The following NAV3 variants were observed in gnomAD, a reference collection of about 807,000 sequenced individuals.
The protein encoded by NAV3 is pore membrane and/or filament interacting like protein 1.
NAV3 carries 87 observed loss-of-function variants against 244.7 expected under a neutral mutation model. The ratio of observed to expected loss-of-function variants is 0.36; its 90% CI spans 0.30 to 0.42. The LOEUF (loss-of-function observed/expected upper bound fraction) is 0.42. Ranked by LOEUF, NAV3 falls within the 20% of genes least tolerant of loss-of-function variation. The pLI is 1.00. For synonymous variants in NAV3, 1,126 were observed against 1,042.2 expected (o/e 1.08, Z -1.55); for missense variants, 2,663 against 2,893.3 (o/e 0.92, Z 1.83).
Position 77,809,115 on chromosome 12 carries a change from G to C in NAV3, c.73-131204G>C, listed in dbSNP as rs149328275. ...GATCTTACCTTGCTGGGCTCTGTGCGGGATGGGATCTGCTGAGCTAGACCA... is the reference window on the plus strand; with the variant it reads ...GATCTTACCTTGCTGGGCTCTGTGCCGGATGGGATCTGCTGAGCTAGACCA... On this transcript the variant is annotated intron_variant, in intron 2 of 8. Coordinates refer to the NAV3 transcript ENST00000550042. Among the ~76,000 whole-genome samples, 76 of 152,298 alleles carry C rather than the reference G, an allele frequency of 5.0e-4. No individual in the cohort carries two copies. The East Asian group carries it at 9.9e-3, about 20-fold the overall frequency.
chr12:78,175,914 G>A (rs1593910213), intron 25 of NAV3, among the ~76,000 whole-genome samples: 1 of 151,262 alleles, frequency 6.6e-6, no homozygotes, highest in Non-Finnish European at 1.5e-5. Flanking sequence ...GATGGTGATA[G>A]TGGTCTTGGA....
intron 12 of NAV3, among the ~76,000 whole-genome samples, chr12:78,087,366 C>G (rs1953692128): frequency 6.6e-6 from 1 of 151,916 alleles, no homozygotes. Context: ...TGTTGGTATC[C>G]ACATGAATAT....
At chr12:77,629,605 A>G (rs1489689543) in intron 2 of NAV3, among the ~76,000 whole-genome samples, 1 of 152,128 alleles carries the variant, frequency 6.6e-6, no homozygotes, top group Non-Finnish European at 1.5e-5. Context: ...ATTTTTCCCT[A>G]AAATAAAGTC....
chr12:78,026,184 C>A (rs1411488913), intron 9 of NAV3, among the ~76,000 whole-genome samples: 1 of 152,118 alleles, frequency 6.6e-6, no homozygotes, highest in Non-Finnish European at 1.5e-5. Flanking sequence ...CTTTAAATTT[C>A]ATCTATATTC....
chr12:77,745,965 C>T (rs1203177033), intron 2 of NAV3, among the ~76,000 whole-genome samples: 2 of 107,376 alleles, frequency 1.9e-5, no homozygotes, highest in Non-Finnish European at 3.8e-5. Flanking sequence ...GGCAGACCCA[C>T]AAAATTGGTT....
At chr12:77,589,153 C>T (rs1869783328) in intron 2 of NAV3, among the ~76,000 whole-genome samples, 1 of 152,094 alleles carries the variant, frequency 6.6e-6, no homozygotes, top group African/African-American at 2.4e-5. Context: ...CGTAGGAAGA[C>T]CTTGGCAGCA....
At chr12:78,160,397 G>GTC (rs758929046) in intron 23 of NAV3, among the ~76,000 whole-genome samples, 2,172 of 88,048 alleles carry the variant, frequency 0.025, 49 homozygotes, top group African/African-American at 0.079. Flanking sequence ...GTGTGTGTGT[G>GTC]TGCGTGCGTG....
At chr12:78,085,377 C>A (rs1355169410) in intron 12 of NAV3, among the ~76,000 whole-genome samples, 1 of 152,110 alleles carries the variant, frequency 6.6e-6, no homozygotes, top group Non-Finnish European at 1.5e-5. Flanking sequence ...CTTACACAGA[C>A]CCTTAAAGGT....
At chr12:77,884,287 A>G (rs1235671621) in intron 1 of NAV3, among the ~76,000 whole-genome samples, 1 of 152,098 alleles carries the variant, frequency 6.6e-6, no homozygotes, top group East Asian at 1.9e-4. Context: ...TGATTGACAG[A>G]TAGATTGATA....
chr12:77,720,416 G>A (rs1876563983), intron 2 of NAV3, among the ~76,000 whole-genome samples: 1 of 152,086 alleles, frequency 6.6e-6, no homozygotes, highest in Admixed American at 6.6e-5. Flanking sequence ...TTTCCAATTA[G>A]AAGGATTTAC....
chr12:78,158,377 G>C (rs1957393607), intron 22 of NAV3, among the ~76,000 whole-genome samples: 2 of 152,100 alleles, frequency 1.3e-5, no homozygotes, highest in Admixed American at 6.6e-5. Context: ...TAACATTTTG[G>C]GTTCAAGTTG....
At chr12:78,094,094 C>G (rs1053667559) in intron 12 of NAV3, among the ~76,000 whole-genome samples, 4 of 152,236 alleles carry the variant, frequency 2.6e-5, no homozygotes, top group Non-Finnish European at 4.4e-5. Context: ...CCCACTTTAG[C>G]TTCCCAAAGT....
intron 7 of NAV3, among the ~76,000 whole-genome samples, chr12:78,006,017 A>G (rs1341160359): frequency 6.6e-6 from 1 of 152,170 alleles, no homozygotes; most frequent in Non-Finnish European, 1.5e-5. Flanking sequence ...CAAGCATTAT[A>G]CAACATATTT....
intron 2 of NAV3, among the ~76,000 whole-genome samples, chr12:77,677,623 T>G (rs775815952): frequency 1.3e-5 from 2 of 152,216 alleles, no homozygotes; most frequent in Non-Finnish European, 2.9e-5. Flanking sequence ...AAAATGGACA[T>G]GTACCAGTGC....
intron 2 of NAV3, among the ~76,000 whole-genome samples, chr12:77,616,266 G>T (rs1273561494): frequency 1.3e-5 from 2 of 152,108 alleles, no homozygotes; most frequent in African/African-American, 4.8e-5. Flanking sequence ...AATTAGCCAG[G>T]CATGGTGGTG....
chr12:78,141,199 T>G (rs1956596802), intron 20 of NAV3, among the ~76,000 whole-genome samples: 1 of 152,150 alleles, frequency 6.6e-6, no homozygotes, highest in African/African-American at 2.4e-5. Context: ...GATAGAAACT[T>G]TATTTATTAA....
At chr12:77,746,873 ACTT>A (rs776310044) in intron 2 of NAV3, among the ~76,000 whole-genome samples, 10 of 152,126 alleles carry the variant, frequency 6.6e-5, no homozygotes, top group Non-Finnish European at 1.5e-4. Flanking sequence ...TACTATTTCT[ACTT>A]CTTAGTTCTG....
chr12:77,973,204 T>C (rs1407486020), intron 5 of NAV3, among the ~76,000 whole-genome samples: 3 of 152,206 alleles, frequency 2.0e-5, no homozygotes, highest in Admixed American at 2.0e-4. Context: ...TGATGAATTT[T>C]ACCAACTCAC....
chr12:78,058,522 G>A (rs1883851969), intron 11 of NAV3, among the ~76,000 whole-genome samples: 1 of 151,994 alleles, frequency 6.6e-6, no homozygotes, highest in South Asian at 2.1e-4. Context: ...TGACAGTGCA[G>A]TGACAGCAGC....
Sources: allele counts gnomAD v4.1 joint callset (sites outside exome capture counted in the v4.1 genomes callset), GRCh38; gene constraint gnomAD v4.1.1; transcripts MANE v1.5; gene names NCBI Gene and HGNC (gene_info 2026-07-23, HGNC 2026-07-21).